The following ADGRA1 variants were observed in gnomAD, a reference collection of about 807,000 sequenced individuals.
ADGRA1 encodes G-protein coupled receptor 123.
Under a neutral mutation model 21.3 loss-of-function variants are expected in ADGRA1, and 12 were observed. The ratio of observed to expected loss-of-function variants is 0.56; its 90% CI spans 0.36 to 0.91. The LOEUF is 0.91. Among genes scored for constraint, ADGRA1 ranks in the 40% least tolerant of loss-of-function variants. The probability of loss-of-function intolerance (pLI) is 0.01; values close to 1 mark genes in which losing one functional copy is unlikely to be tolerated. For missense variants in ADGRA1, 790 were observed against 805.6 expected, an observed-to-expected ratio of 0.98 and a Z score of 0.23; for synonymous variants, 385 against 368.8, an observed-to-expected ratio of 1.04 and a Z score of -0.50.
chr10:133,106,304 G>T (rs756856130), intron 5 of ADGRA1, among the ~76,000 whole-genome samples: 6 of 152,198 alleles, frequency 3.9e-5, no homozygotes, highest in Non-Finnish European at 4.4e-5. Flanking sequence ...CATTCACACA[G>T]CGTTTTCTCC....
At chr10:133,105,580 T>G (rs74161998) in intron 5 of ADGRA1, among the ~76,000 whole-genome samples, 3,647 of 152,270 alleles carry the variant, frequency 0.024, 138 homozygotes, top group African/African-American at 0.081. Flanking sequence ...CCATGTAAAA[T>G]GTTGCTGCGC....
In ADGRA1 at chr10:133,097,061, T is replaced by G; in HGVS notation, c.91T>G (p.Cys31Gly). ...CGCGTGCACGGCCGTCATGCTGCTC[T>G]GCCTCCTGGCCTCCTTCGTCACCTA... ...VYACTAVMLL[C>G]LLASFVTYIV... Residue 31 changes from cysteine (C) to glycine (G), a missense_variant, in exon 3 of 7, where the codon TGC becomes GGC. By Grantham distance (159) the Cys-to-Gly change is radical. Around this residue, in one of 3 missense-constraint regions of ADGRA1, gnomAD observed 382 missense variants for 415.6 expected, o/e 0.92. Coordinates refer to ENST00000392607, the MANE Select transcript of ADGRA1 (RefSeq NM_001083909.3). 6.2e-7 allele frequency: 1 copy of G among 1,609,688 alleles called. No homozygotes were observed. Among genetic ancestry groups the G allele is most frequent in the Non-Finnish European group, 8.5e-7 (1 of 1,180,006 alleles).
At chr10:133,123,314 G>T (rs1394524415) in intron 5 of ADGRA1, among the ~76,000 whole-genome samples, 1 of 152,208 alleles carries the variant, frequency 6.6e-6, no homozygotes, top group African/African-American at 2.4e-5. Context: ...CTTCCTCACT[G>T]ACGGGCAGGA....
chr10:133,115,522 A>G (rs9419109), intron 5 of ADGRA1, among the ~76,000 whole-genome samples: 93,093 of 152,120 alleles, frequency 0.61, 29,446 homozygotes, highest in African/African-American at 0.78. Flanking sequence ...CGAGAAGGGC[A>G]GCCCCCAGGC....
intron 2 of ADGRA1, among the ~76,000 whole-genome samples, chr10:133,092,187 G>C (rs541381477): frequency 6.6e-6 from 1 of 152,208 alleles, no homozygotes; most frequent in Admixed American, 6.5e-5. Flanking sequence ...AAGGATGGTC[G>C]GTCGCGCGTA....
At chr10:133,124,295 G>A (rs752410062) in intron 5 of ADGRA1, among the ~76,000 whole-genome samples, 3 of 152,078 alleles carry the variant, frequency 2.0e-5, no homozygotes, top group Admixed American at 6.5e-5. Flanking sequence ...CACCTTCCCC[G>A]GGCTCTGAGC....
chr10:133,094,675 G>A (rs1012659530), intron 2 of ADGRA1, among the ~76,000 whole-genome samples: 4 of 152,158 alleles, frequency 2.6e-5, no homozygotes, highest in Non-Finnish European at 4.4e-5. Context: ...CACTCTCTTG[G>A]CTTCTCTCGC....
intron 2 of ADGRA1, 64 bp downstream of exon 2, chr10:133,088,976 C>T (rs1851553205): frequency 8.1e-7 from 1 of 1,234,966 alleles, no homozygotes. Flanking sequence ...GGGCGGCCAC[C>T]CGTATGGGGA....
At chr10:133,112,722 C>CGTGTCGGTTATTTGAGGTCTGCGGGCG in intron 5 of ADGRA1, among the ~76,000 whole-genome samples, 1 of 138,068 alleles carries the variant, frequency 7.2e-6, no homozygotes, top group Admixed American at 7.4e-5. Flanking sequence ...GTCTGCGGGC[C>CGTGTCGGTTATTTGAGGTCTGCGGGCG]GCGTCGGTTA....
intron 5 of ADGRA1, among the ~76,000 whole-genome samples, chr10:133,115,698 C>T (rs1852144613): frequency 6.6e-6 from 1 of 152,180 alleles, no homozygotes; most frequent in Non-Finnish European, 1.5e-5. Context: ...GTTGTCACCC[C>T]TCCCGGGCCC....
At chr10:133,116,250 G>A (rs1422457460) in intron 5 of ADGRA1, among the ~76,000 whole-genome samples, 1 of 152,308 alleles carries the variant, frequency 6.6e-6, no homozygotes, top group Non-Finnish European at 1.5e-5. Flanking sequence ...CCTGGGAACC[G>A]AGCTGATCCG....
At chr10:133,104,095 G>C (rs1471386534) in intron 5 of ADGRA1, among the ~76,000 whole-genome samples, 1 of 152,200 alleles carries the variant, frequency 6.6e-6, no homozygotes, top group African/African-American at 2.4e-5. Flanking sequence ...CGTCCAAAAC[G>C]GTCTGAAGAA....
intron 4 of ADGRA1, chr10:133,102,270 C>A (rs1245385798): frequency 4.1e-6 from 2 of 489,518 alleles, no homozygotes; most frequent in Non-Finnish European, 4.1e-6. Context: ...ATCCTACCCA[C>A]AGTAAGAGCA....
rs1208841453 is a variant in ADGRA1 at position 133,129,367 on chromosome 10, G to T, written c.1539G>T (p.Met513Ile). The part of the protein sequence containing the change: ...EAALGPGHLE[M>I]LRRTQSLPFG... ...CGCTCGGGCCCGGCCACTTGGAGAT[G>T]CTGCGGAGGACACAGTCCCTGCCCT... is the stretch of plus-strand genomic sequence containing the variant. Residue 513 changes from methionine (M) to isoleucine (I), a missense_variant, in exon 7 of 7, where the codon ATG becomes ATT. By Grantham distance (10) the Met-to-Ile change is conservative. Transcript: ENST00000392607. The T allele has an allele frequency of 1.9e-6, 3 of 1,599,088 alleles. No homozygotes were observed. The highest frequency in any genetic ancestry group is 2.3e-5 in the East Asian group (1 of 44,108).
At chr10:133,102,560 C>T (rs985094856) in intron 4 of ADGRA1, 137 bp from the exon 5 acceptor site, 51 of 1,039,506 alleles carry the variant, frequency 4.9e-5, no homozygotes, top group Middle Eastern at 2.9e-4. Flanking sequence ...GTGGGGCGGC[C>T]GCTGCCTGCC....
At chr10:133,126,834 A>G (rs1483261117) in intron 5 of ADGRA1, among the ~76,000 whole-genome samples, 1 of 152,186 alleles carries the variant, frequency 6.6e-6, no homozygotes, top group Non-Finnish European at 1.5e-5. Flanking sequence ...CTGGCCACGC[A>G]CTACCCGCGG....
Position 133,128,899 on chromosome 10 carries a change from C to T in ADGRA1, c.1071C>T (p.His357=). 6.4e-7 allele frequency: 1 copy of T among 1,556,600 alleles called. No homozygotes were observed. The highest frequency in any genetic ancestry group is 8.7e-7 in the Non-Finnish European group (1 of 1,154,270). The change falls in exon 7 of 7, where the codon CAC becomes CAT. Residue 357 remains histidine (H), a synonymous_variant. Coordinates refer to ENST00000392607, the MANE Select transcript of ADGRA1 (RefSeq NM_001083909.3). ...PGLGQPRGFA[H]PPGPCKMTNL... ...TGGGCCAGCCACGGGGCTTCGCGCA[C>T]CCACCGGGCCCCTGCAAGATGACCA...
At chr10:133,098,490 C>T (rs951299274) in intron 3 of ADGRA1, 150 bp from the exon 4 acceptor site, 6 of 887,608 alleles carry the variant, frequency 6.8e-6, no homozygotes, top group African/African-American at 5.1e-5. Context: ...CCCATCTGCT[C>T]TCCCCTGACC....
At position 133,093,045 on chromosome 10, in the gene ADGRA1, C is replaced by T. The variant is rs771344704; in HGVS notation, c.4-3929C>T. 3.8e-6 allele frequency: 6 copies of T among 1,595,082 alleles called. No homozygotes were observed. The African/African-American group carries it at 4.0e-5, about 11-fold the overall frequency. On this transcript the variant is annotated intron_variant, in intron 2 of 6. Coordinates refer to ENST00000392607, the MANE Select transcript of ADGRA1 (RefSeq NM_001083909.3). ...TCGGAGCTGCAGACCTGGCCCCGGA[C>T]ACCTCACTGTGTAGGAAAGAAGGTT... is the stretch of plus-strand genomic sequence containing the variant.
Sources: gnomAD v4.1 joint callset for allele counts (sites outside exome capture counted in the v4.1 genomes callset) on GRCh38, gnomAD v4.1.1 for gene constraint, gnomAD v4.1.1 regional missense constraint, MANE v1.5 for transcripts, NCBI Gene and HGNC (gene_info 2026-07-23, HGNC 2026-07-21) for gene names.